Variants in JMY observed in about 807,000 individuals in gnomAD.
The protein encoded by JMY is junction mediating and regulatory protein, p53 cofactor.
Under a neutral mutation model 103.3 loss-of-function variants are expected in JMY, and 46 were observed. The ratio of observed to expected loss-of-function variants is 0.45; its 90% CI spans 0.35 to 0.57. The LOEUF (loss-of-function observed/expected upper bound fraction) is 0.57. Ranked by LOEUF, JMY falls within the 20% of genes least tolerant of loss-of-function variation. JMY has a pLI of 0.00. For synonymous variants in JMY, 526 were observed against 489.3 expected, an observed-to-expected ratio of 1.07 and a Z score of -0.99; for missense variants, 1,238 against 1,255.2, an observed-to-expected ratio of 0.99 and a Z score of 0.21.
In JMY at chr5:79,236,893, C is replaced by T. The variant is rs1010206229; in HGVS notation, c.243C>T (p.Pro81=). 11 of 1,361,508 alleles carry T rather than the reference C, an allele frequency of 8.1e-6. No homozygotes were observed. The African/African-American group carries it at 9.2e-5, about 11-fold the overall frequency. The allele number at this position is 1,361,508 out of a possible 1,614,324, so 84.3% of individuals were successfully genotyped here. The change falls in exon 1 of 11, where the codon CCC becomes CCT. Residue 81 remains proline (P), a synonymous_variant. Coordinates refer to ENST00000396137, the MANE Select transcript of JMY (RefSeq NM_152405.5). ...GGAASDGSRG[P]GSPAGRGRPE... ...CTGCGTCCGACGGGAGCCGCGGGCC[C>T]GGCAGCCCGGCGGGCAGGGGTCGGC...
intron 1 of JMY, among the ~76,000 whole-genome samples, chr5:79,277,417 A>G (rs1184473981): frequency 6.6e-6 from 1 of 151,846 alleles, no homozygotes; most frequent in Non-Finnish European, 1.5e-5. Flanking sequence ...TCTTGAGCCA[A>G]GGAGTTCAAG....
rs1747204859 is a variant in JMY at position 79,315,985 on chromosome 5, T to C, written c.2660-15T>C. 14 of 1,609,946 alleles carry C rather than the reference T, an allele frequency of 8.7e-6. No homozygotes were observed. Among genetic ancestry groups the C allele is most frequent in the Non-Finnish European group, 1.2e-5 (14 of 1,177,544 alleles). The stretch of plus-strand genomic sequence containing the variant: ...CAGTCCTAACTGTAATACTGTTCTG[T>C]TTCATTTTCCAAAGTGAGCTCACCC... On this transcript the variant is annotated splice_polypyrimidine_tract_variant and intron_variant, in intron 9 of 10. Transcript: ENST00000396137.
Position 79,316,090 on chromosome 5 carries a change from CTGA to C in JMY, c.2754_2756del (p.Asp918del), listed in dbSNP as rs758535520. The C allele has an allele frequency of 2.4e-5, 38 of 1,614,068 alleles. No homozygotes were observed. In the Admixed American group the frequency reaches 6.2e-4, roughly 26 times the overall value. On this transcript the variant is annotated inframe_deletion, in exon 10 of 11. Transcript: ENST00000396137. ...GAACAGCGAACTCTGCCTCCTTTTC[CTGA>C]TGAAGATGATAGTAATAATATCTTG...
At chr5:79,245,501 G>C (rs1203868647) in intron 1 of JMY, among the ~76,000 whole-genome samples, 1 of 152,078 alleles carries the variant, frequency 6.6e-6, no homozygotes, top group Non-Finnish European at 1.5e-5. Flanking sequence ...TTTGACCTTA[G>C]GCTGTTGACT....
chr5:79,314,959 T>A, intron 9 of JMY, 108 bp downstream of exon 9: 1 of 1,046,700 alleles, frequency 9.6e-7, no homozygotes, highest in African/African-American at 1.6e-5. Context: ...TTGACATTAT[T>A]TGATAGTAAA....
chr5:79,300,270 G>C lies in JMY; in HGVS notation c.1645G>C (p.Glu549Gln). 1.9e-6 allele frequency: 3 copies of C among 1,597,668 alleles called. No homozygotes were observed. The highest frequency in any genetic ancestry group is 2.6e-6 in the Non-Finnish European group (3 of 1,173,668). ...EVQFEILKCE[E>Q]LLLTAQLESI... ...ACAGTTTGAAATCTTGAAGTGTGAA[G>C]AGTTACTATTGACAGCGCAACTAGA... Residue 549 changes from glutamate to glutamine, a missense_variant, in exon 5 of 11, where the codon GAG (glutamate) becomes CAG (glutamine). By Grantham distance (29) the Glu-to-Gln change is conservative (BLOSUM62 2). Coordinates refer to ENST00000396137, the MANE Select transcript of JMY (RefSeq NM_152405.5).
At chr5:79,241,126 C>G (rs1693061096) in intron 1 of JMY, among the ~76,000 whole-genome samples, 1 of 152,124 alleles carries the variant, frequency 6.6e-6, no homozygotes, top group South Asian at 2.1e-4. Flanking sequence ...AACTTAAAAT[C>G]ACCTGTTTTT....
At chr5:79,287,031 AG>A (rs1422047968) in intron 2 of JMY, among the ~76,000 whole-genome samples, 1 of 152,142 alleles carries the variant, frequency 6.6e-6, no homozygotes, top group Non-Finnish European at 1.5e-5. Context: ...CCTGAAAAAG[AG>A]GGCATTGCTT....
chr5:79,244,833 GT>G (rs34362472), intron 1 of JMY, among the ~76,000 whole-genome samples: 139 of 138,050 alleles, frequency 1.0e-3, no homozygotes, highest in East Asian at 3.5e-3. Flanking sequence ...GTAACTATTT[GT>G]TTTTTTTTTT....
rs1270542835 is a variant in JMY, at chr5:79,322,726, ATT to A, written c.*1126_*1127del. The A allele has an allele frequency of 1.6e-4, 24 of 152,246 alleles. No homozygotes were observed. The highest frequency in any genetic ancestry group is 3.2e-4 in the Non-Finnish European group (22 of 68,060). The allele number at this position is 152,246 out of a possible 1,614,324, so 9.4% of individuals were successfully genotyped here. The stretch of plus-strand genomic sequence containing the variant: ...GCTGTGATGGAGTCCTGAAGGACAC[ATT>A]TATATGTTCCAGATTTTCAGCAGGA... On this transcript the variant is annotated 3_prime_UTR_variant, in exon 11 of 11. Coordinates refer to ENST00000396137, the MANE Select transcript of JMY (RefSeq NM_152405.5).
At chr5:79,309,907 C>T (rs1376681042) in intron 7 of JMY, among the ~76,000 whole-genome samples, 2 of 151,700 alleles carry the variant, frequency 1.3e-5, no homozygotes, top group African/African-American at 4.8e-5. Context: ...TCCACACTTC[C>T]AATATATTTC....
Position 79,273,979 on chromosome 5 carries a change from C to T in JMY, c.1033-3931C>T, listed in dbSNP as rs534443148. Among the ~76,000 whole-genome samples, 37 of 152,056 alleles carry T rather than the reference C, an allele frequency of 2.4e-4. No homozygotes were observed. In the East Asian group the frequency reaches 2.5e-3, roughly 10 times the overall value. On this transcript the variant is annotated intron_variant, in intron 1 of 10. Coordinates refer to ENST00000396137, the MANE Select transcript of JMY (RefSeq NM_152405.5). The stretch of plus-strand genomic sequence containing the variant: ...CCGAGTAGCTGGGACTACAGGTGCC[C>T]GCCACCATGCCTGGCTAATTTTTGT...
At chr5:79,253,290 T>C (rs564912312) in intron 1 of JMY, among the ~76,000 whole-genome samples, 2 of 152,146 alleles carry the variant, frequency 1.3e-5, no homozygotes, top group South Asian at 4.1e-4. Context: ...GATTGGTTCA[T>C]CATTTAATCT....
intron 6 of JMY, among the ~76,000 whole-genome samples, chr5:79,302,229 G>A (rs1212396374): frequency 6.6e-6 from 1 of 152,106 alleles, no homozygotes; most frequent in Non-Finnish European, 1.5e-5. Context: ...TAGGTGTATA[G>A]TGCAGTACTT....
At chr5:79,260,908 C>G (rs1477803097) in intron 1 of JMY, among the ~76,000 whole-genome samples, 1 of 152,104 alleles carries the variant, frequency 6.6e-6, no homozygotes, top group Admixed American at 6.5e-5. Context: ...AAGGCAGTTC[C>G]CAGGGCCACA....
intron 1 of JMY, among the ~76,000 whole-genome samples, chr5:79,246,659 G>A (rs1744913983): frequency 6.6e-6 from 1 of 152,146 alleles, no homozygotes; most frequent in Non-Finnish European, 1.5e-5. Flanking sequence ...GAGGCAGGCG[G>A]ATCATGAGGT....
At chr5:79,307,728 G>A (rs77370933) in intron 7 of JMY, among the ~76,000 whole-genome samples, 17 of 152,228 alleles carry the variant, frequency 1.1e-4, no homozygotes, top group African/African-American at 3.4e-4. Flanking sequence ...CTCTAGTAAG[G>A]TGTCTGTTCA....
chr5:79,273,852 A>G (rs570339413), intron 1 of JMY, among the ~76,000 whole-genome samples: 6 of 151,386 alleles, frequency 4.0e-5, no homozygotes, highest in African/African-American at 1.5e-4. Flanking sequence ...TCTTTTTGAG[A>G]TGGAGTCTCG....
chr5:79,237,773 C>T, intron 1 of JMY, 91 bp downstream of exon 1: 1 of 1,144,856 alleles, frequency 8.7e-7, no homozygotes. Context: ...CGGGTGTGCG[C>T]AGTAGGACGG....
Sources: allele counts gnomAD v4.1 joint callset (sites outside exome capture counted in the v4.1 genomes callset), GRCh38; gene constraint gnomAD v4.1.1; transcripts MANE v1.5; gene names NCBI Gene and HGNC (gene_info 2026-07-23, HGNC 2026-07-21).